Variants in NCKAP5 observed in about 807,000 individuals in gnomAD.
The protein encoded by NCKAP5 is nck-associated protein 5.
NCKAP5 carries 92 observed loss-of-function variants against 167.0 expected under a neutral mutation model. The ratio of observed to expected loss-of-function variants is 0.55; its 90% CI spans 0.47 to 0.66. NCKAP5 has a LOEUF of 0.66. Ranked by LOEUF, NCKAP5 falls within the 30% of genes least tolerant of loss-of-function variation. The pLI, the probability that NCKAP5 is intolerant of heterozygous loss-of-function variation, is 0.00. For synonymous variants in NCKAP5, 891 were observed against 877.4 expected, an observed-to-expected ratio of 1.02 and a Z score of -0.27; for missense variants, 2,378 against 2,315.0, an observed-to-expected ratio of 1.03 and a Z score of -0.56.
At chr2:133,453,823 G>A (rs968880550) in intron 3 of NCKAP5, among the ~76,000 whole-genome samples, 3 of 152,004 alleles carry the variant, frequency 2.0e-5, no homozygotes, top group Admixed American at 2.0e-4. Context: ...TACTATTATA[G>A]TAATCAGAAA....
intron 3 of NCKAP5, among the ~76,000 whole-genome samples, chr2:133,415,602 G>A (rs951630943): frequency 2.6e-5 from 4 of 152,206 alleles, no homozygotes; most frequent in African/African-American, 9.6e-5. Context: ...TTGAACAAGT[G>A]TGTTTGGTCA....
chr2:132,833,473 T>A (rs1329195104), intron 11 of NCKAP5, among the ~76,000 whole-genome samples: 1 of 152,194 alleles, frequency 6.6e-6, no homozygotes, highest in Non-Finnish European at 1.5e-5. Context: ...GTTTCCCCTA[T>A]GTTTTCTTCT....
At chr2:133,577,953 C>T in the NCKAP5 span, among the ~76,000 whole-genome samples, 4 of 152,286 alleles carry the variant, frequency 2.6e-5, no homozygotes, top group Non-Finnish European at 4.4e-5. Flanking sequence ...CCACCTAAGA[C>T]GACCCAGCTC....
At chr2:133,410,635 G>A (rs941176448) in intron 3 of NCKAP5, among the ~76,000 whole-genome samples, 4 of 152,218 alleles carry the variant, frequency 2.6e-5, no homozygotes, top group Admixed American at 1.3e-4. Context: ...CTGCAGCATC[G>A]CAGGGAGCTT....
At chr2:132,926,479 T>C (rs1302937275) in intron 8 of NCKAP5, among the ~76,000 whole-genome samples, 2 of 152,186 alleles carry the variant, frequency 1.3e-5, no homozygotes, top group East Asian at 3.8e-4. Flanking sequence ...AGTGACCTAC[T>C]TTCCCACAAA....
At chr2:133,566,714 G>C (rs956321124) in intron 1 of NCKAP5, among the ~76,000 whole-genome samples, 12 of 152,192 alleles carry the variant, frequency 7.9e-5, no homozygotes, top group Non-Finnish European at 1.6e-4. Context: ...ATCTTACTGG[G>C]TGCTCTTGGA....
chr2:133,002,597 A>C (rs938285606), intron 6 of NCKAP5, among the ~76,000 whole-genome samples: 1 of 152,198 alleles, frequency 6.6e-6, no homozygotes. Context: ...TCATGGAAAT[A>C]TATGTCCTGC....
intron 3 of NCKAP5, among the ~76,000 whole-genome samples, chr2:133,351,152 G>A (rs757456289): frequency 1.3e-4 from 20 of 152,100 alleles, no homozygotes; most frequent in South Asian, 4.2e-4. Flanking sequence ...TATAGTTATC[G>A]ACTGAATGGA....
chr2:133,013,641 A>G (rs747432303), intron 6 of NCKAP5, among the ~76,000 whole-genome samples: 1 of 152,188 alleles, frequency 6.6e-6, no homozygotes, highest in Admixed American at 6.5e-5. Context: ...ATTCGAGATG[A>G]GATTTGGGTG....
At chr2:132,686,603 G>A (rs1168257427) in intron 19 of NCKAP5, among the ~76,000 whole-genome samples, 1 of 152,150 alleles carries the variant, frequency 6.6e-6, no homozygotes, top group East Asian at 1.9e-4. Context: ...AATAAAAGGA[G>A]GATGCTAATT....
intron 11 of NCKAP5, 78 bp downstream of exon 11, chr2:132,860,414 T>C: frequency 7.4e-6 from 11 of 1,477,692 alleles, no homozygotes; most frequent in South Asian, 1.3e-5. Context: ...CATGAAGATG[T>C]TGCTAACTTC....
intron 16 of NCKAP5, among the ~76,000 whole-genome samples, chr2:132,771,255 C>T (rs1036258567): frequency 2.0e-4 from 30 of 151,912 alleles, no homozygotes; most frequent in African/African-American, 6.5e-4. Context: ...TCTGACCCTG[C>T]GGAGGCCTAG....
rs902344550 is a variant in NCKAP5 at position 132,895,521 on chromosome 2, T to C, written c.580-16605A>G. ...AAGACATCTAGCCAGAAGCTGGAAA[T>C]GTAGGTCTAGTTTAAGAAGCCAGGG... On this transcript the variant is annotated intron_variant, in intron 8 of 19. Transcript: ENST00000409261. 3.9e-5 allele frequency among the ~76,000 whole-genome samples: 6 copies of C among 151,900 alleles called. No homozygotes were observed. The East Asian group carries it at 9.7e-4, about 24-fold the overall frequency.
At chr2:133,237,999 G>A (rs929339073) in intron 4 of NCKAP5, among the ~76,000 whole-genome samples, 12 of 152,244 alleles carry the variant, frequency 7.9e-5, no homozygotes, top group East Asian at 3.9e-4. Flanking sequence ...TTACAAGCAC[G>A]GGAAGGAAAG....
At chr2:133,567,614 A>G (rs919642631) in intron 1 of NCKAP5, among the ~76,000 whole-genome samples, 9 of 151,224 alleles carry the variant, frequency 6.0e-5, no homozygotes, top group Non-Finnish European at 1.0e-4. Flanking sequence ...TTTCAATTTC[A>G]AAATATTTTT....
chr2:132,941,143 C>A (rs1471194261), intron 8 of NCKAP5, among the ~76,000 whole-genome samples: 1 of 152,052 alleles, frequency 6.6e-6, no homozygotes, highest in Non-Finnish European at 1.5e-5. Context: ...TTGTTAATAC[C>A]CAGTCTAGAG....
chr2:132,879,124 T>C (rs572376212), intron 8 of NCKAP5, among the ~76,000 whole-genome samples: 1 of 152,280 alleles, frequency 6.6e-6, no homozygotes, highest in East Asian at 1.9e-4. Flanking sequence ...ACATGAGAAC[T>C]TAAAGAAATG....
At chr2:133,203,560 G>A (rs992586673) in intron 5 of NCKAP5, among the ~76,000 whole-genome samples, 1 of 151,854 alleles carries the variant, frequency 6.6e-6, no homozygotes, top group African/African-American at 2.4e-5. Context: ...AAAGAAAGTT[G>A]TCTTCTAAAA....
At chr2:133,385,961 C>T (rs1006236693) in intron 3 of NCKAP5, among the ~76,000 whole-genome samples, 8 of 151,484 alleles carry the variant, frequency 5.3e-5, no homozygotes, top group East Asian at 1.9e-4. Context: ...GTCTTGTTAG[C>T]GGTCAATCAA....
Sources: gnomAD v4.1 joint callset for allele counts (sites outside exome capture counted in the v4.1 genomes callset) on GRCh38, gnomAD v4.1.1 for gene constraint, MANE v1.5 for transcripts, NCBI Gene and HGNC (gene_info 2026-07-23, HGNC 2026-07-21) for gene names.